The following ELFN2 variants were observed in gnomAD, a reference collection of about 807,000 sequenced individuals.
ELFN2 encodes extracellular leucine rich repeat and fibronectin type III domain containing 2.
ELFN2 carries 17 observed loss-of-function variants against 45.5 expected under a neutral mutation model. The ratio of observed to expected loss-of-function variants is 0.37; its 90% CI spans 0.26 to 0.56. The LOEUF (loss-of-function observed/expected upper bound fraction) is 0.56, where lower values mean the gene tolerates loss of function less well. Among genes scored for constraint, ELFN2 ranks in the 20% least tolerant of loss-of-function variants. ELFN2 has a pLI of 0.77. For synonymous variants in ELFN2, 550 were observed against 551.5 expected, an observed-to-expected ratio of 1.00 and a Z score of 0.04; for missense variants, 922 against 1,183.2, an observed-to-expected ratio of 0.78 and a Z score of 3.24.
At position 37,374,181 on chromosome 22, in the gene ELFN2, T is replaced by G; in HGVS notation, c.1354A>C (p.Ile452Leu). ...RYGADVDAGS[I>L]VHAAQKLGEP... ...CCCAGCTTCTGGGCGGCGTGCACAATGGAGCCGGCATCCACATCAGCCCCG... is the reference window on the plus strand; with the variant it reads ...CCCAGCTTCTGGGCGGCGTGCACAAGGGAGCCGGCATCCACATCAGCCCCG... Residue 452 changes from isoleucine to leucine, a missense_variant, in exon 3 of 3, where the codon ATT becomes CTT. This residue lies in a region of ELFN2 where 564 missense variants were observed against 642.8 expected (regional missense o/e 0.88). Transcript: ENST00000402918. The G allele has an allele frequency of 6.2e-7, 1 of 1,613,280 alleles. No homozygotes were observed. The highest frequency in any genetic ancestry group is 8.5e-7 in the Non-Finnish European group (1 of 1,180,014).
chr22:37,349,051 A>G lies in ELFN2; in HGVS notation n.149-6348T>C, dbSNP rs904589630. On this transcript the variant is annotated intron_variant and non_coding_transcript_variant, in intron 1 of 2. Transcript: ENST00000452946. The stretch of plus-strand genomic sequence containing the variant: ...CAGGGCAGCCCACAGATCGCTACAG[A>G]GCATCTCTTCTGCATGCCACGCGCT... Among the ~76,000 whole-genome samples the G allele has an allele frequency of 1.7e-4, 26 of 151,104 alleles. 1 individual carries two copies. Among genetic ancestry groups the G allele is most frequent in the African/African-American group, 6.0e-4 (25 of 41,376 alleles).
Position 37,373,826 on chromosome 22 carries a change from C to G in ELFN2, c.1709G>C (p.Gly570Ala). 6.2e-7 allele frequency: 1 copy of G among 1,612,936 alleles called. No individual in the cohort carries two copies. Among genetic ancestry groups the G allele is most frequent in the Non-Finnish European group, 8.5e-7 (1 of 1,179,932 alleles). ...GCACTCGAAGGCCAGCTCGGGGTCC[C>G]CACTGCTGCTGCCGCCTCCCAGAAA... ...ASFLGGGSSS[G>A]DPELAFECQS... Residue 570 changes from glycine to alanine, a missense_variant, in exon 3 of 3, where the codon GGG becomes GCG. Gly to Ala is a moderately conservative substitution (Grantham distance 60). This residue lies in a region of ELFN2 where 564 missense variants were observed against 642.8 expected (regional missense o/e 0.88). Transcript: ENST00000402918.
Position 37,372,588 on chromosome 22 carries a change from G to GATGTCTA in ELFN2, c.*477_*483dup, listed in dbSNP as rs1000603781. The GATGTCTA allele has an allele frequency of 2.0e-5, 3 of 153,116 alleles. No individual in the cohort carries two copies. Among genetic ancestry groups the GATGTCTA allele is most frequent in the Admixed American group, 1.3e-4 (2 of 15,292 alleles). The allele number at this position is 153,116 out of a possible 1,614,324, so 9.5% of individuals were successfully genotyped here. ...TCTAAAGTGGAAGGAGACATTGCCC[G>GATGTCTA]ATGTCTAATGCTAAATCTGCAGGTG... On this transcript the variant is annotated 3_prime_UTR_variant, in exon 3 of 3. Transcript: ENST00000402918. The surrounding 1 kb of genome is among the most constrained non-coding windows in gnomAD (Gnocchi z 4.4).
intron 2 of ELFN2, among the ~76,000 whole-genome samples, chr22:37,395,860 C>T (rs1932201794): frequency 1.3e-5 from 2 of 152,164 alleles, no homozygotes; most frequent in Non-Finnish European, 2.9e-5. Context: ...GTTCAGGGCT[C>T]AGGGGACAAG....
intron 1 of ELFN2, among the ~76,000 whole-genome samples, chr22:37,423,014 G>A (rs1932821817): frequency 6.7e-6 from 1 of 148,784 alleles, no homozygotes; most frequent in Non-Finnish European, 1.5e-5. Flanking sequence ...TTGGAGCCCT[G>A]CCCCTGCCCT....
chr22:37,360,442 G>A (rs1221668345), intron 1 of ELFN2, among the ~76,000 whole-genome samples: 1 of 152,230 alleles, frequency 6.6e-6, no homozygotes, highest in East Asian at 1.9e-4. Flanking sequence ...TGGCTCTCTT[G>A]TGAGGTGGCA....
chr22:37,358,957 A>G (rs1009228148), intron 1 of ELFN2, among the ~76,000 whole-genome samples: 7 of 152,148 alleles, frequency 4.6e-5, no homozygotes, highest in Non-Finnish European at 1.0e-4. Flanking sequence ...TGCCACTTAC[A>G]TAGGAAGCAG....
chr22:37,422,945 G>A (rs865848409), intron 1 of ELFN2, among the ~76,000 whole-genome samples: 3 of 105,552 alleles, frequency 2.8e-5, no homozygotes, highest in African/African-American at 4.9e-5. Flanking sequence ...CTGGGCCTCG[G>A]GGGGGGGGGG....
intron 2 of ELFN2, among the ~76,000 whole-genome samples, chr22:37,380,558 C>T (rs1365245688): frequency 6.6e-6 from 1 of 152,138 alleles, no homozygotes; most frequent in East Asian, 1.9e-4. Flanking sequence ...GGAGCAGGGA[C>T]GTGAGGCTCG....
chr22:37,390,700 G>C (rs1290252319), intron 2 of ELFN2, among the ~76,000 whole-genome samples: 2 of 152,170 alleles, frequency 1.3e-5, no homozygotes, highest in South Asian at 4.1e-4. Flanking sequence ...CGGCCAACCT[G>C]GCACAGCCAA....
chr22:37,383,142 CA>C (rs1466984169), intron 2 of ELFN2, among the ~76,000 whole-genome samples: 1 of 152,198 alleles, frequency 6.6e-6, no homozygotes, highest in East Asian at 1.9e-4. Flanking sequence ...GTCCCTCTTA[CA>C]ACGTGTCGCC....
intron 1 of ELFN2, chr22:37,353,462 G>C (rs981228986): frequency 6.6e-6 from 1 of 151,076 alleles, no homozygotes; most frequent in Non-Finnish European, 1.5e-5. Context: ...CCTGGGTGAT[G>C]CTAGGGTCCA....
intron 1 of ELFN2, chr22:37,420,230 G>A (rs921514921): frequency 2.0e-5 from 3 of 151,908 alleles, no homozygotes; most frequent in African/African-American, 4.8e-5. Context: ...CACCACGCCA[G>A]GTCCGCGGCA....
intron 2 of ELFN2, among the ~76,000 whole-genome samples, chr22:37,410,922 C>T (rs1451361236): frequency 6.6e-6 from 1 of 152,156 alleles, no homozygotes; most frequent in Admixed American, 6.5e-5. Context: ...CACCCAGAAC[C>T]GGGACTCCAC....
At position 37,371,807 on chromosome 22, in the gene ELFN2, TG is replaced by T. The variant is rs111740976; in HGVS notation, c.*1264del. The stretch of plus-strand genomic sequence containing the variant: ...TGTTTGTGCTTTGTTTGATGTTGGG[TG>T]GGGGGGTCAGAAAGAGGGAAGTGGC... On this transcript the variant is annotated 3_prime_UTR_variant, in exon 3 of 3. Transcript: ENST00000402918. This position sits in a 1 kb window ranked among gnomAD's most constrained non-coding sequence, Gnocchi z 6.4. The T allele has an allele frequency of 0.073, 11,047 of 151,248 alleles. 1,265 individuals are homozygous for T. Among genetic ancestry groups the T allele is most frequent in the African/African-American group, 0.25 (10,297 of 41,192 alleles). 9.4% of individuals were successfully genotyped at this position (151,248 alleles called of 1,614,324 possible).
chr22:37,394,254 C>T (rs4821663), intron 2 of ELFN2, among the ~76,000 whole-genome samples: 6 of 152,012 alleles, frequency 3.9e-5, no homozygotes, highest in Admixed American at 3.3e-4. Context: ...GCCGCCCCTC[C>T]GTCCAAGCTT....
intron 1 of ELFN2, among the ~76,000 whole-genome samples, chr22:37,345,007 C>A (rs1180562710): frequency 6.6e-6 from 1 of 152,192 alleles, no homozygotes; most frequent in Non-Finnish European, 1.5e-5. Context: ...AGGCACCTGC[C>A]CCTGAGGGGC....
rs1467640176 is a variant in ELFN2 at position 37,368,167 on chromosome 22, A to G, written c.*4905T>C. Reference sequence around the variant, plus strand: ...GGGTTCAAGGCCCTCAGAGGAAGGAAAGTTTCGTAACACAGCAAGGGTTCA... The same window carrying G: ...GGGTTCAAGGCCCTCAGAGGAAGGAGAGTTTCGTAACACAGCAAGGGTTCA... On this transcript the variant is annotated 3_prime_UTR_variant, in exon 3 of 3. Coordinates refer to ENST00000402918, the MANE Select transcript of ELFN2 (RefSeq NM_052906.5). 1 of 152,310 alleles carries G rather than the reference A, an allele frequency of 6.6e-6. No homozygotes were observed. Among genetic ancestry groups the G allele is most frequent in the Non-Finnish European group, 1.5e-5 (1 of 68,120 alleles). The allele number at this position is 152,310 out of a possible 1,614,324, so 9.4% of individuals were successfully genotyped here.
chr22:37,406,080 T>G (rs922610536), intron 2 of ELFN2, among the ~76,000 whole-genome samples: 2 of 152,008 alleles, frequency 1.3e-5, no homozygotes, highest in African/African-American at 4.8e-5. Flanking sequence ...AGGTTGAGGC[T>G]GCAATGAGCC....
Sources: gnomAD v4.1 joint callset for allele counts (sites outside exome capture counted in the v4.1 genomes callset) on GRCh38, gnomAD v4.1.1 for gene constraint, gnomAD v4.1.1 regional missense constraint, Gnocchi (gnomAD v3.1) non-coding constraint, MANE v1.5 for transcripts, NCBI Gene and HGNC (gene_info 2026-07-23, HGNC 2026-07-21) for gene names.